Variants in TERT observed in about 807,000 individuals in gnomAD.
The protein encoded by TERT is telomerase reverse transcriptase.
TERT carries 42 observed loss-of-function variants against 104.0 expected under a neutral mutation model. The observed-to-expected ratio is 0.40, with a 90% CI of 0.32 to 0.52. The LOEUF is 0.52. TERT is among the 20% of genes least tolerant of loss of function. The probability of loss-of-function intolerance (pLI) is 0.43; values close to 1 mark genes in which losing one functional copy is unlikely to be tolerated. For missense variants in TERT, 1,101 were observed against 1,610.3 expected (o/e 0.68, Z 5.41); for synonymous variants, 781 against 725.6 (o/e 1.08, Z -1.23).
chr5:1,275,078 C>A (rs2126630260), intron 6 of TERT, among the ~76,000 whole-genome samples: 1 of 152,312 alleles, frequency 6.6e-6, no homozygotes, highest in Non-Finnish European at 1.5e-5. Context: ...ACGGAAGCTG[C>A]AGGAAGCGAG....
rs1214280692 is a variant in TERT at position 1,293,648 on chromosome 5, C to T, written c.1238G>A (p.Cys413Tyr). Residue 413 changes from cysteine to tyrosine, a missense_variant, in exon 2 of 16, where the codon TGC becomes TAC. Physicochemically the swap from Cys to Tyr is radical, Grantham distance 194. Coordinates refer to ENST00000310581, the MANE Select transcript of TERT (RefSeq NM_198253.3). The stretch of plus-strand genomic sequence containing the variant: ...TGGGGTGACCGCAGCTCGCAGCGGG[C>T]AGTGCGTCTTGAGGAGCACCCCGTA... Reference protein sequence around the residue: ...CPYGVLLKTHCPLRAAVTPAA... With the variant: ...CPYGVLLKTHYPLRAAVTPAA... 6.4e-7 allele frequency: 1 copy of T among 1,558,372 alleles called. No homozygotes were observed.
Position 1,266,905 on chromosome 5 carries a change from C to G in TERT, c.2583-370G>C, listed in dbSNP as rs546030470. On this transcript the variant is annotated intron_variant, in intron 9 of 15. Coordinates refer to ENST00000310581, the MANE Select transcript of TERT (RefSeq NM_198253.3). ...CTCTGAGCCACGTGGTGCCCTTTAC[C>G]AGCATGGCAGCTGTGGTCCTCAGCA... Among the ~76,000 whole-genome samples, 29 of 152,302 alleles carry G rather than the reference C, an allele frequency of 1.9e-4. 1 individual carries two copies. The highest frequency in any genetic ancestry group is 7.0e-4 in the African/African-American group (29 of 41,578).
At position 1,268,038 on chromosome 5, in the gene TERT, T is replaced by C. The variant is rs1305061847; in HGVS notation, c.2582+482A>G. On this transcript the variant is annotated intron_variant, in intron 9 of 15. Coordinates refer to ENST00000310581, the MANE Select transcript of TERT (RefSeq NM_198253.3). This position sits in a 1 kb window ranked among gnomAD's most constrained non-coding sequence, Gnocchi z 5.5. The stretch of plus-strand genomic sequence containing the variant: ...GCCAGCTGAGTTGAACCACATTAGG[T>C]TGGCACGATATTTAGGTGTGTGCGT... Among the ~76,000 whole-genome samples the C allele has an allele frequency of 1.3e-5, 2 of 151,124 alleles. No homozygotes were observed. The highest frequency in any genetic ancestry group is 2.4e-5 in the African/African-American group (1 of 41,114).
At position 1,257,629 on chromosome 5, in the gene TERT, T is replaced by C. The variant is rs1747843555; in HGVS notation, c.3032+969A>G. ...TGGTGCAAAGGCGGTAACATGCAGC[T>C]GTGGCTCTGCCCTCCCTGCCAGAGC... On this transcript the variant is annotated intron_variant, in intron 13 of 15. Transcript: ENST00000310581. This position sits in a 1 kb window ranked among gnomAD's most constrained non-coding sequence, Gnocchi z 5.6. Among the ~76,000 whole-genome samples, 2 of 152,214 alleles carry C rather than the reference T, an allele frequency of 1.3e-5. No individual in the cohort carries two copies. Among genetic ancestry groups the C allele is most frequent in the Admixed American group, 1.3e-4 (2 of 15,280 alleles).
At chr5:1,279,793 G>A (rs1749890083) in intron 4 of TERT, among the ~76,000 whole-genome samples, 1 of 152,236 alleles carries the variant, frequency 6.6e-6, no homozygotes, top group Non-Finnish European at 1.5e-5. Flanking sequence ...AGAGCCCGGT[G>A]GGCTCCTGGC....
intron 2 of TERT, among the ~76,000 whole-genome samples, chr5:1,291,684 G>GACC (rs1750990728): frequency 6.7e-6 from 1 of 148,526 alleles, no homozygotes; most frequent in African/African-American, 2.5e-5. Context: ...GACACCCGGG[G>GACC]GCCGCGCCTC....
chr5:1,294,774 G>T lies in TERT; in HGVS notation c.216C>A (p.Arg72=). Residue 72 remains arginine, a synonymous_variant, in exon 1 of 16, where the codon CGC becomes CGA. Transcript: ENST00000310581. ...ARPPPAAPSF[R]QVSCLKELVA... is the part of the protein sequence containing the mutation. ...CGCCGACCCCGGGGAGGCCCACCTG[G>T]CGGAAGGAGGGGGCGGCGGGGGGCG... The T allele has an allele frequency of 6.5e-7, 1 of 1,539,858 alleles. No individual in the cohort carries two copies. Among genetic ancestry groups the T allele is most frequent in the Non-Finnish European group, 8.7e-7 (1 of 1,151,794 alleles).
chr5:1,290,702 T>G (rs1160166248), intron 2 of TERT, among the ~76,000 whole-genome samples: 6 of 45,870 alleles, frequency 1.3e-4, no homozygotes, highest in East Asian at 5.8e-4. Flanking sequence ...ACCCTGCACG[T>G]GACAGGGACA....
chr5:1,292,948 G>A lies in TERT; in HGVS notation c.1573+365C>T, dbSNP rs1439713341. Among the ~76,000 whole-genome samples, 1 of 152,208 alleles carries A rather than the reference G, an allele frequency of 6.6e-6. No individual in the cohort carries two copies. The highest frequency in any genetic ancestry group is 1.5e-5 in the Non-Finnish European group (1 of 68,034). ...TCATTCCCACCCTTGAAATTGCGAA[G>A]AGGATTATAGGTAACCTGCAGGCAC... On this transcript the variant is annotated intron_variant, in intron 2 of 15. Transcript: ENST00000310581. This position sits in a 1 kb window ranked among gnomAD's most constrained non-coding sequence, Gnocchi z 5.5.
At position 1,271,025 on chromosome 5, in the gene TERT, G is replaced by C. The variant is rs1748990056; in HGVS notation, c.2468+94C>G. ...GAGACTCTGGTGGCCCCGGGCAGAA[G>C]GGCAGTGGGGAAGGGGCAGGAGAGA... On this transcript the variant is annotated intron_variant, in intron 8 of 15. Transcript: ENST00000310581. The C allele has an allele frequency of 3.9e-6, 4 of 1,023,300 alleles. No homozygotes were observed. The East Asian group carries it at 1.0e-4, about 26-fold the overall frequency. The allele number at this position is 1,023,300 out of a possible 1,614,324, so 63.4% of individuals were successfully genotyped here.
rs753602070 is a variant in TERT, at chr5:1,263,536, G to A, written c.2843+868C>T. On this transcript the variant is annotated intron_variant, in intron 11 of 15. Coordinates refer to ENST00000310581, the MANE Select transcript of TERT (RefSeq NM_198253.3). The surrounding 1 kb of genome is among the most constrained non-coding windows in gnomAD (Gnocchi z 5.3). The stretch of plus-strand genomic sequence containing the variant: ...CTCCTGCCTCAGCCTCCCGCATAGC[G>A]GGGACTACAGGCGTGTGCCACCAGG... Among the ~76,000 whole-genome samples, 9 of 152,058 alleles carry A rather than the reference G, an allele frequency of 5.9e-5. No homozygotes were observed. The highest frequency in any genetic ancestry group is 1.7e-4 in the African/African-American group (7 of 41,402).
In TERT at chr5:1,256,396, T is replaced by C. The variant is rs547070973; in HGVS notation, c.3033-985A>G. 3.9e-5 allele frequency among the ~76,000 whole-genome samples: 6 copies of C among 152,194 alleles called. No homozygotes were observed. In the East Asian group the frequency reaches 1.2e-3, roughly 29 times the overall value. ...GACCTGGCTACCATGAAACAGCACA[T>C]GTGCACATGTGCTCATATGTGCGTG... On this transcript the variant is annotated intron_variant, in intron 13 of 15. Coordinates refer to ENST00000310581, the MANE Select transcript of TERT (RefSeq NM_198253.3). The surrounding 1 kb of genome is among the most constrained non-coding windows in gnomAD (Gnocchi z 7.0).
At chr5:1,258,563 G>A (rs1202930454) in intron 13 of TERT, 35 bp downstream of exon 13, 1 of 1,552,924 alleles carries the variant, frequency 6.4e-7, no homozygotes, top group African/African-American at 1.4e-5. Flanking sequence ...GAGGGTCCCT[G>A]GAGGCTGGGC....
chr5:1,289,675 G>C (rs1409322621), intron 2 of TERT, among the ~76,000 whole-genome samples: 9 of 95,342 alleles, frequency 9.4e-5, no homozygotes, highest in Non-Finnish European at 1.6e-4. Flanking sequence ...CGGGGGCCTC[G>C]CGTCAATCAC....
rs988593694 is a variant in TERT at position 1,265,700 on chromosome 5, C to T, written c.2654+764G>A. Among the ~76,000 whole-genome samples, 3 of 152,152 alleles carry T rather than the reference C, an allele frequency of 2.0e-5. No individual in the cohort carries two copies. The highest frequency in any genetic ancestry group is 2.9e-5 in the Non-Finnish European group (2 of 68,024). On this transcript the variant is annotated intron_variant, in intron 10 of 15. Coordinates refer to ENST00000310581, the MANE Select transcript of TERT (RefSeq NM_198253.3). The surrounding 1 kb of genome is among the most constrained non-coding windows in gnomAD (Gnocchi z 6.9). Reference sequence around the variant, plus strand: ...GAGGGCGGGTCCAAATGGGTTTTCACAAACACAGCCCAGCAAAGCACCTGA... The same window carrying T: ...GAGGGCGGGTCCAAATGGGTTTTCATAAACACAGCCCAGCAAAGCACCTGA...
rs2126667145 is a variant in TERT, at chr5:1,288,078, G to T, written c.1573+5235C>A. On this transcript the variant is annotated intron_variant, in intron 2 of 15. Transcript: ENST00000310581. The surrounding 1 kb of genome is among the most constrained non-coding windows in gnomAD (Gnocchi z 5.3). ...GTGTTCAAATAACTCACTGCTCAAAGAAATCACAGAATAAGCTAAAGAATA... is the reference window on the plus strand; with the variant it reads ...GTGTTCAAATAACTCACTGCTCAAATAAATCACAGAATAAGCTAAAGAATA... 6.6e-6 allele frequency among the ~76,000 whole-genome samples: 1 copy of T among 152,200 alleles called. No individual in the cohort carries two copies. The highest frequency in any genetic ancestry group is 1.9e-4 in the East Asian group (1 of 5,184).
At position 1,260,216 on chromosome 5, in the gene TERT, T is replaced by C. The variant is rs34018970; in HGVS notation, c.2970+258A>G. On this transcript the variant is annotated intron_variant, in intron 12 of 15. Coordinates refer to ENST00000310581, the MANE Select transcript of TERT (RefSeq NM_198253.3). Reference sequence around the variant, plus strand: ...CCTCACGTGAATGCCCACACGACTGTGCACGAACACACATGCATGTCAGGT... The same window carrying C: ...CCTCACGTGAATGCCCACACGACTGCGCACGAACACACATGCATGTCAGGT... 5.5e-3 allele frequency among the ~76,000 whole-genome samples: 842 copies of C among 152,338 alleles called. 6 individuals carry two copies. Among genetic ancestry groups the C allele is most frequent in the African/African-American group, 0.019 (798 of 41,576 alleles).
intron 2 of TERT, among the ~76,000 whole-genome samples, chr5:1,285,825 C>T (rs1750445022): frequency 6.6e-6 from 1 of 151,990 alleles, no homozygotes; most frequent in African/African-American, 2.4e-5. Context: ...GCCTTGGCCT[C>T]CCAAAGTGCT....
intron 2 of TERT, among the ~76,000 whole-genome samples, chr5:1,284,296 G>A (rs1308211805): frequency 1.1e-4 from 9 of 83,030 alleles, no homozygotes; most frequent in Non-Finnish European, 1.7e-4. Context: ...TCCAGACGCC[G>A]CACATCCAGC....
Sources: gnomAD v4.1 joint callset for allele counts (sites outside exome capture counted in the v4.1 genomes callset) on GRCh38, gnomAD v4.1.1 for gene constraint, Gnocchi (gnomAD v3.1) non-coding constraint, MANE v1.5 for transcripts, NCBI Gene and HGNC (gene_info 2026-07-23, HGNC 2026-07-21) for gene names.